The following ALDH1L1 variants were observed in gnomAD, a reference collection of about 807,000 sequenced individuals.
The protein encoded by ALDH1L1 is cytosolic 10-formyltetrahydrofolate dehydrogenase.
ALDH1L1 carries 68 observed loss-of-function variants against 101.1 expected under a neutral mutation model. The observed-to-expected ratio is 0.67, with a 90% CI of 0.55 to 0.82. The LOEUF is 0.82. Among genes scored for constraint, ALDH1L1 ranks in the 40% least tolerant of loss-of-function variants. The pLI is 0.00. For synonymous variants in ALDH1L1, 486 were observed against 470.8 expected (o/e 1.03, Z -0.42); for missense variants, 1,087 against 1,172.7 (o/e 0.93, Z 1.07).
chr3:126,111,163 A>G (rs774158817), intron 19 of ALDH1L1, among the ~76,000 whole-genome samples: 20 of 152,176 alleles, frequency 1.3e-4, no homozygotes, highest in Non-Finnish European at 2.1e-4. Flanking sequence ...CAGCTCCCCA[A>G]CTATGGAAGA....
At chr3:126,146,308 T>G (rs1171621831) in intron 9 of ALDH1L1, among the ~76,000 whole-genome samples, 3 of 152,008 alleles carry the variant, frequency 2.0e-5, no homozygotes, top group Non-Finnish European at 4.4e-5. Flanking sequence ...CTCTCCCTCC[T>G]GGAACCCACC....
At chr3:126,187,530 G>A (rs755944378) in intron 1 of ALDH1L1, among the ~76,000 whole-genome samples, 1 of 152,188 alleles carries the variant, frequency 6.6e-6, no homozygotes, top group Non-Finnish European at 1.5e-5. Flanking sequence ...GAGAGCGGTG[G>A]AAGGACCCTG....
intron 1 of ALDH1L1, among the ~76,000 whole-genome samples, chr3:126,174,017 A>T (rs111497504): frequency 0.01 from 1,562 of 152,344 alleles, 15 homozygotes; most frequent in Non-Finnish European, 0.016. Flanking sequence ...TGGAGACATC[A>T]ACACCTCTCT....
chr3:126,113,595 G>A (rs1003821399), intron 18 of ALDH1L1, among the ~76,000 whole-genome samples: 10 of 152,312 alleles, frequency 6.6e-5, no homozygotes, highest in South Asian at 2.1e-4. Context: ...CTAGATCCCC[G>A]TGCTGATGGG....
Position 126,197,011 on chromosome 3 carries a change from C to G in ALDH1L1, c.-24+724G>C, listed in dbSNP as rs75909798. On this transcript the variant is annotated intron_variant, in intron 1 of 2. Coordinates refer to the ALDH1L1 transcript ENST00000509952. ...GACATGAACCCTAAAATTCCTATCC[C>G]CTGGAAGGCAGAGACCAAGAGAAAG... Among the ~76,000 whole-genome samples the G allele has an allele frequency of 0.016, 2,475 of 152,224 alleles. 115 individuals carry two copies. In the East Asian group the frequency reaches 0.19, roughly 12 times the overall value.
chr3:126,109,774 G>C (rs1946016354), intron 20 of ALDH1L1, among the ~76,000 whole-genome samples, 170 bp downstream of exon 20: 1 of 152,162 alleles, frequency 6.6e-6, no homozygotes, highest in Non-Finnish European at 1.5e-5. Flanking sequence ...GGGTCTGGCT[G>C]GTGCCCAAAT....
At position 126,111,347 on chromosome 3, in the gene ALDH1L1, T is replaced by C. The variant is rs191778803; in HGVS notation, c.2182-1238A>G. 2.9e-4 allele frequency among the ~76,000 whole-genome samples: 44 copies of C among 152,388 alleles called. No individual in the cohort carries two copies. The East Asian group carries it at 7.1e-3, about 25-fold the overall frequency. On this transcript the variant is annotated intron_variant, in intron 19 of 22. Transcript: ENST00000393434. ...AGTCTTTCCACTGTCCACGTGAACATGTCCCAGCACACGCTGCAGAATGCA... is the reference window on the plus strand; with the variant it reads ...AGTCTTTCCACTGTCCACGTGAACACGTCCCAGCACACGCTGCAGAATGCA...
upstream of ALDH1L1, chr3:126,180,639 G>A: frequency 7.7e-7 from 1 of 1,303,158 alleles, no homozygotes; most frequent in Non-Finnish European, 9.8e-7. Context: ...GGGGAGGGGC[G>A]CGGGGCGGGC....
intron 8 of ALDH1L1, among the ~76,000 whole-genome samples, chr3:126,147,305 T>C (rs1372145380): frequency 6.6e-6 from 1 of 152,188 alleles, no homozygotes; most frequent in Non-Finnish European, 1.5e-5. Context: ...ACCTTGGTGC[T>C]AGCGCCCAGG....
chr3:126,114,497 TG>T, intron 18 of ALDH1L1, 59 bp downstream of exon 18: 1 of 1,327,612 alleles, frequency 7.5e-7, no homozygotes. Context: ...CAGGGCCTCC[TG>T]GTCCCTACAG....
Position 126,153,550 on chromosome 3 carries a change from G to C in ALDH1L1, c.752C>G (p.Thr251Ser), listed in dbSNP as rs2080849090. ...KLTFFNSTLN[T>S]SGLVPEGDAL... is the part of the protein sequence containing the mutation. ...GTCTCCCTCGGGCACCAGGCCTGAA[G>C]TGTTCAGCGTTGAGTTGAAAAATGT... Residue 251 changes from threonine to serine, a missense_variant, in exon 7 of 23, where the codon ACT (threonine) becomes AGT (serine). Thr to Ser is a moderately conservative substitution (Grantham distance 58). Around this residue, in one of 2 missense-constraint regions of ALDH1L1, gnomAD observed 645 missense variants for 637.0 expected, o/e 1.01. Transcript: ENST00000393434. The C allele has an allele frequency of 6.2e-7, 1 of 1,613,892 alleles. No homozygotes were observed. The highest frequency in any genetic ancestry group is 1.1e-5 in the South Asian group (1 of 90,990).
intron 12 of ALDH1L1, among the ~76,000 whole-genome samples, chr3:126,132,323 A>T (rs2080329552): frequency 6.6e-6 from 1 of 152,114 alleles, no homozygotes; most frequent in African/African-American, 2.4e-5. Context: ...CTCTGCACCC[A>T]GGCACCATGA....
chr3:126,103,765 G>T lies in ALDH1L1; in HGVS notation c.*26C>A, dbSNP rs1945759247. The T allele has an allele frequency of 2.5e-6, 4 of 1,611,460 alleles. No individual in the cohort carries two copies. The highest frequency in any genetic ancestry group is 3.4e-6 in the Non-Finnish European group (4 of 1,178,826). ...GCCCCAGCCACGAGGGAGGGGCAGG[G>T]ACTTTCTTCTCACAAAGACCTTTCT... is the stretch of plus-strand genomic sequence containing the variant. On this transcript the variant is annotated 3_prime_UTR_variant, in exon 23 of 23. Coordinates refer to ENST00000393434, the MANE Select transcript of ALDH1L1 (RefSeq NM_012190.4).
intron 1 of ALDH1L1, among the ~76,000 whole-genome samples, chr3:126,168,914 G>T (rs1477068336): frequency 1.3e-5 from 2 of 152,068 alleles, no homozygotes; most frequent in Non-Finnish European, 2.9e-5. Context: ...TTTGTCAATT[G>T]TGTTTCTAAC....
Position 126,103,649 on chromosome 3 carries a change from G to A in ALDH1L1, c.*142C>T, listed in dbSNP as rs547743316. 3.9e-5 allele frequency: 33 copies of A among 838,862 alleles called. No individual in the cohort carries two copies. Among genetic ancestry groups the A allele is most frequent in the East Asian group, 8.0e-5 (3 of 37,602 alleles). 52.0% of individuals were successfully genotyped at this position (838,862 alleles called of 1,614,324 possible). ...GGCTGCTTCTGACTGGACAGAGGGCGTCCAAGATGCAGACATGGTGTGCAG... is the reference window on the plus strand; with the variant it reads ...GGCTGCTTCTGACTGGACAGAGGGCATCCAAGATGCAGACATGGTGTGCAG... On this transcript the variant is annotated 3_prime_UTR_variant, in exon 23 of 23. Coordinates refer to ENST00000393434, the MANE Select transcript of ALDH1L1 (RefSeq NM_012190.4).
intron 1 of ALDH1L1, among the ~76,000 whole-genome samples, chr3:126,174,212 A>G (rs987410597): frequency 6.6e-6 from 1 of 152,078 alleles, no homozygotes; most frequent in African/African-American, 2.4e-5. Flanking sequence ...CTAATTTTGT[A>G]TTTTTAGTAG....
At chr3:126,153,058 A>T in intron 7 of ALDH1L1, 1 of 329,608 alleles carries the variant, frequency 3.0e-6, no homozygotes, top group South Asian at 2.7e-5. Context: ...ATGGGAGCTG[A>T]GGCACAGAGG....
At chr3:126,140,595 A>G (rs1039540720) in intron 9 of ALDH1L1, among the ~76,000 whole-genome samples, 2 of 152,124 alleles carry the variant, frequency 1.3e-5, no homozygotes, top group African/African-American at 4.8e-5. Flanking sequence ...TTTTAAATAT[A>G]TATTAATGGG....
chr3:126,143,359 G>A (rs1411749318), intron 9 of ALDH1L1, among the ~76,000 whole-genome samples: 1 of 152,098 alleles, frequency 6.6e-6, no homozygotes, highest in South Asian at 2.1e-4. Flanking sequence ...TGGATATCCT[G>A]GACAAAGGGG....
Sources: gnomAD v4.1 joint callset for allele counts (sites outside exome capture counted in the v4.1 genomes callset) on GRCh38, gnomAD v4.1.1 for gene constraint, gnomAD v4.1.1 regional missense constraint, MANE v1.5 for transcripts, NCBI Gene and HGNC (gene_info 2026-07-23, HGNC 2026-07-21) for gene names.